Variants in ZNHIT3 observed in about 807,000 individuals in gnomAD.
ZNHIT3 encodes zinc finger HIT-type containing 3.
In ZNHIT3, 27 loss-of-function variants were observed where a neutral mutation model predicts 19.9. The observed-to-expected ratio is 1.36, with a 90% CI of 1.00 to 1.87. The LOEUF is 1.87. ZNHIT3 is among the 40% of genes most tolerant of loss of function. The probability of loss-of-function intolerance (pLI) is 0.00; values close to 1 mark genes in which losing one functional copy is unlikely to be tolerated. For missense variants in ZNHIT3, 215 were observed against 185.6 expected (o/e 1.16, Z -0.92); for synonymous variants, 81 against 65.7 (o/e 1.23, Z -1.13).
At chr17:36,492,134 C>A (rs1334383924) in intron 2 of ZNHIT3, 1 of 152,332 alleles carries the variant, frequency 6.6e-6, no homozygotes, top group Non-Finnish European at 1.5e-5. Flanking sequence ...TCTGGTCCTG[C>A]CTTTATGTCC....
intron 4 of ZNHIT3, among the ~76,000 whole-genome samples, chr17:36,494,420 C>T (rs2070821873): frequency 6.6e-6 from 1 of 152,206 alleles, no homozygotes; most frequent in African/African-American, 2.4e-5. Context: ...CCTGTATTCC[C>T]AGATCCCCAG....
intron 2 of ZNHIT3, among the ~76,000 whole-genome samples, chr17:36,488,776 T>A (rs1266052791): frequency 2.6e-5 from 4 of 152,218 alleles, no homozygotes; most frequent in Non-Finnish European, 5.9e-5. Context: ...AAGGATCAAA[T>A]TAGGGTAATT....
downstream of ZNHIT3, chr17:36,496,251 T>C: frequency 6.2e-7 from 1 of 1,613,450 alleles, no homozygotes; most frequent in South Asian, 1.1e-5. Flanking sequence ...GCACCAAGGA[T>C]CACCCCAGCC....
intron 2 of ZNHIT3, chr17:36,489,017 T>G (rs978879378): frequency 6.6e-6 from 1 of 152,242 alleles, no homozygotes; most frequent in African/African-American, 2.4e-5. Flanking sequence ...TGCTCTCTAC[T>G]TCTGTGAAAT....
At chr17:36,496,869 T>C (rs1901887899), downstream of ZNHIT3, among the ~76,000 whole-genome samples, 2 of 152,120 alleles carry the variant, frequency 1.3e-5, no homozygotes, top group African/African-American at 4.8e-5. Context: ...ATCCAGTGAA[T>C]GGGGCAGAAC....
chr17:36,494,779 T>G (rs7222903), intron 4 of ZNHIT3, among the ~76,000 whole-genome samples: 75,406 of 151,912 alleles, frequency 0.5, 19,155 homozygotes, highest in East Asian at 0.64. Context: ...ATCATTCAGA[T>G]TATTTCGTAT....
chr17:36,487,043 T>C, intron 2 of ZNHIT3, 77 bp downstream of exon 2: 2 of 1,570,642 alleles, frequency 1.3e-6, no homozygotes, highest in Non-Finnish European at 1.7e-6. Context: ...CTTGGGGGCG[T>C]GGACCCTTGG....
chr17:36,497,988 C>G (rs890990479), downstream of ZNHIT3: 3 of 446,814 alleles, frequency 6.7e-6, no homozygotes, highest in Non-Finnish European at 1.2e-5. Flanking sequence ...TTGCTAGAAA[C>G]GCAGCATTGC....
At chr17:36,494,073 TAA>T (rs2070802136) in intron 4 of ZNHIT3, 67 bp downstream of exon 4, 2 of 1,310,518 alleles carry the variant, frequency 1.5e-6, no homozygotes, top group African/African-American at 1.5e-5. Flanking sequence ...TGTGATTTTT[TAA>T]AAAGTTTTTA....
At chr17:36,489,407 A>G (rs1440719503) in intron 2 of ZNHIT3, 2 of 152,144 alleles carry the variant, frequency 1.3e-5, no homozygotes, top group African/African-American at 4.8e-5. Context: ...TTACATTCCC[A>G]ATAACAGTGC....
At chr17:36,487,281 A>C (rs953646812) in intron 2 of ZNHIT3, among the ~76,000 whole-genome samples, 10 of 152,040 alleles carry the variant, frequency 6.6e-5, no homozygotes, top group African/African-American at 2.4e-4. Flanking sequence ...ACCGAGGTCT[A>C]CCCTAGCAGT....
chr17:36,486,955 G>T lies in ZNHIT3; in HGVS notation c.107G>T (p.Arg36Leu), dbSNP rs560117316. 61 of 1,611,396 alleles carry T rather than the reference G, an allele frequency of 3.8e-5. No individual in the cohort carries two copies. The East Asian group carries it at 1.4e-3, about 36-fold the overall frequency. The change falls in exon 2 of 5, where the codon CGG becomes CTG. Residue 36 changes from arginine to leucine, a missense_variant. By Grantham distance (102) the Arg-to-Leu change is moderately radical. Transcript: ENST00000617429. ...RVPYCSVVCF[R>L]KHKEQCNPET... Reference sequence around the variant, plus strand: ...TACAGCTGCTCGGTAGTCTGCTTCCGGAAGCACAAAGGTGAGCCCCGTCCC... The same window carrying T: ...TACAGCTGCTCGGTAGTCTGCTTCCTGAAGCACAAAGGTGAGCCCCGTCCC...
intron 3 of ZNHIT3, chr17:36,493,232 T>G (rs1815562763): frequency 5.4e-6 from 2 of 369,206 alleles, no homozygotes; most frequent in South Asian, 3.5e-5. Flanking sequence ...TGGCTGGGAC[T>G]GTCAGTTCAC....
chr17:36,486,794 G>A lies in ZNHIT3; in HGVS notation c.86+9G>A, dbSNP rs143086637. ...GCCTGCCGCGTGCCCTAGTGAGCGGGGAGGTCGCGGGGTCCAGGGGCGCGG... is the reference window on the plus strand; with the variant it reads ...GCCTGCCGCGTGCCCTAGTGAGCGGAGAGGTCGCGGGGTCCAGGGGCGCGG... On this transcript the variant is annotated intron_variant, in intron 1 of 4. Coordinates refer to ENST00000617429, the MANE Select transcript of ZNHIT3 (RefSeq NM_004773.4). 1.5e-3 allele frequency: 2,399 copies of A among 1,612,584 alleles called. 32 individuals carry two copies. The African/African-American group carries it at 0.028, about 19-fold the overall frequency.
chr17:36,495,782 T>C lies in ZNHIT3; in HGVS notation c.*378T>C, dbSNP rs1424140057. 2.4e-6 allele frequency: 3 copies of C among 1,238,700 alleles called. No individual in the cohort carries two copies. The African/African-American group carries it at 4.7e-5, about 19-fold the overall frequency. The allele number at this position is 1,238,700 out of a possible 1,614,324, so 76.7% of individuals were successfully genotyped here. A position where few individuals can be genotyped will look rare whatever the true frequency, so the allele number is the denominator to read the frequency against. On this transcript the variant is annotated 3_prime_UTR_variant, in exon 5 of 5. Coordinates refer to ENST00000617429, the MANE Select transcript of ZNHIT3 (RefSeq NM_004773.4). ...CATTGCATTATTCATAATTTAATTG[T>C]TTGAAATTACATTAAATAAATCAAC... is the stretch of plus-strand genomic sequence containing the variant.
At chr17:36,498,384 A>T, downstream of ZNHIT3, 1 of 1,613,958 alleles carries the variant, frequency 6.2e-7, no homozygotes, top group African/African-American at 1.3e-5. Flanking sequence ...TTTCCTCTGA[A>T]AGCTGCCTAC....
At chr17:36,492,940 C>T (rs778506573) in intron 3 of ZNHIT3, 41 bp downstream of exon 3, 1 of 1,576,922 alleles carries the variant, frequency 6.3e-7, no homozygotes, top group East Asian at 2.3e-5. Flanking sequence ...AGGGACTTCA[C>T]ATAGAATAAG....
At chr17:36,498,105 C>G (rs938517166), downstream of ZNHIT3, 7 of 693,914 alleles carry the variant, frequency 1.0e-5, no homozygotes, top group Non-Finnish European at 1.6e-5. Flanking sequence ...AATAAATAAT[C>G]CAAACCTGCA....
rs117767618 is a variant in ZNHIT3 at position 36,495,414 on chromosome 17, T to C, written c.*10T>C. 7.2e-4 allele frequency: 1,142 copies of C among 1,580,862 alleles called. 20 individuals are homozygous for C. In the East Asian group the frequency reaches 0.022, roughly 31 times the overall value. Reference sequence around the variant, plus strand: ...GAATGAGGAGTCTTAAGATGGATTATTGTGCTGCTTGCTCAAGCGTGTGCT... The same window carrying C: ...GAATGAGGAGTCTTAAGATGGATTACTGTGCTGCTTGCTCAAGCGTGTGCT... On this transcript the variant is annotated 3_prime_UTR_variant, in exon 5 of 5. Coordinates refer to ENST00000617429, the MANE Select transcript of ZNHIT3 (RefSeq NM_004773.4).
Sources: allele counts gnomAD v4.1 joint callset (sites outside exome capture counted in the v4.1 genomes callset), GRCh38; gene constraint gnomAD v4.1.1; transcripts MANE v1.5; gene names NCBI Gene and HGNC (gene_info 2026-07-23, HGNC 2026-07-21).